The following SAMD14 variants were observed in gnomAD, a reference collection of about 807,000 sequenced individuals.
The protein encoded by SAMD14 is sterile alpha motif domain-containing protein 14.
SAMD14 carries 27 observed loss-of-function variants against 46.2 expected under a neutral mutation model. The ratio of observed to expected loss-of-function variants is 0.58; its 90% CI spans 0.43 to 0.81. The LOEUF is 0.81. Among genes scored for constraint, SAMD14 ranks in the 30% least tolerant of loss-of-function variants. The probability of loss-of-function intolerance (pLI) is 0.00; values close to 1 mark genes in which losing one functional copy is unlikely to be tolerated. For missense variants in SAMD14, 559 were observed against 582.2 expected, an observed-to-expected ratio of 0.96 and a Z score of 0.41; for synonymous variants, 241 against 254.3, an observed-to-expected ratio of 0.95 and a Z score of 0.50.
In SAMD14 at chr17:50,115,577, T is replaced by A; in HGVS notation, c.809A>T (p.Lys270Met). 1 of 1,540,890 alleles carries A rather than the reference T, an allele frequency of 6.5e-7. No homozygotes were observed. The highest frequency in any genetic ancestry group is 1.2e-5 in the South Asian group (1 of 80,314). ...SPKHEGFSPK[K>M]SASQESTLSD... ...GCATGGACTTACCTGGGAAGCTGACTTCTTAGGGCTGAAGCCCTCGTGTTT... is the reference window on the plus strand; with the variant it reads ...GCATGGACTTACCTGGGAAGCTGACATCTTAGGGCTGAAGCCCTCGTGTTT... The change falls in exon 7 of 10, where the codon AAG (lysine) becomes ATG (methionine). Residue 270 changes from lysine to methionine, a missense_variant. Physicochemically the swap from Lys to Met is moderately conservative, Grantham distance 95. Transcript: ENST00000330175. This position sits in a 1 kb window ranked among gnomAD's most constrained non-coding sequence, Gnocchi z 5.3.
chr17:50,113,958 G>A lies in SAMD14; in HGVS notation c.1064C>T (p.Pro355Leu), dbSNP rs149122016. Residue 355 changes from proline to leucine, a missense_variant, in exon 9 of 10, where the codon CCG becomes CTG. By Grantham distance (98) the Pro-to-Leu change is moderately conservative (BLOSUM62 -3). Transcript: ENST00000330175. The stretch of plus-strand genomic sequence containing the variant: ...GCTTCCGTCCAGCTGCAGCAGCTGC[G>A]GCCCGTCTACCTGCCGTGCAGCAAA... ...AEFAARQVDGPQLLQLDGSKL... is the reference protein window; with the variant it reads ...AEFAARQVDGLQLLQLDGSKL... The A allele has an allele frequency of 7.4e-6, 12 of 1,613,614 alleles. No individual in the cohort carries two copies. Among genetic ancestry groups the A allele is most frequent in the East Asian group, 6.7e-5 (3 of 44,900 alleles).
Position 50,115,738 on chromosome 17 carries a change from T to C in SAMD14, c.663-15A>G. 2 of 1,610,580 alleles carry C rather than the reference T, an allele frequency of 1.2e-6. No individual in the cohort carries two copies. Among genetic ancestry groups the C allele is most frequent in the Non-Finnish European group, 1.7e-6 (2 of 1,177,570 alleles). ...CCACTGACTCCCTGCAGAGAGAGTG[T>C]CCAGCATGGGTGTGGGTACAGAGGG... On this transcript the variant is annotated splice_polypyrimidine_tract_variant and intron_variant, in intron 6 of 9. Transcript: ENST00000330175. This position sits in a 1 kb window ranked among gnomAD's most constrained non-coding sequence, Gnocchi z 5.3.
At chr17:50,117,313 C>A in intron 4 of SAMD14, 94 bp downstream of exon 4, 2 of 1,192,032 alleles carry the variant, frequency 1.7e-6, no homozygotes, top group Non-Finnish European at 2.1e-6. Context: ...CCCTGCTCAG[C>A]TGCCCCTTCC....
chr17:50,112,781 G>T lies in SAMD14; in HGVS notation c.*112C>A. Reference sequence around the variant, plus strand: ...GAGAGAGCATGTCCCCCCTGAGAGCGTGGGACCAGGCTAGCCCAAGTGCAG... The same window carrying T: ...GAGAGAGCATGTCCCCCCTGAGAGCTTGGGACCAGGCTAGCCCAAGTGCAG... On this transcript the variant is annotated 3_prime_UTR_variant, in exon 10 of 10. Coordinates refer to ENST00000330175, the MANE Select transcript of SAMD14 (RefSeq NM_001257359.2). The T allele has an allele frequency of 1.6e-6, 2 of 1,272,586 alleles. No homozygotes were observed. Among genetic ancestry groups the T allele is most frequent in the Non-Finnish European group, 2.2e-6 (2 of 929,270 alleles). 78.8% of individuals were successfully genotyped at this position (1,272,586 alleles called of 1,614,324 possible). A position where few individuals can be genotyped will look rare whatever the true frequency, so the allele number is the denominator to read the frequency against.
intron 4 of SAMD14, among the ~76,000 whole-genome samples, chr17:50,116,927 C>T (rs141482507): frequency 6.6e-6 from 1 of 152,100 alleles, no homozygotes; most frequent in Non-Finnish European, 1.5e-5. Flanking sequence ...GTGATCATAG[C>T]TCACTGCAGC....
chr17:50,114,355 A>C (rs1911061960), intron 7 of SAMD14, 49 bp from the exon 8 acceptor site: 1 of 1,613,948 alleles, frequency 6.2e-7, no homozygotes. Flanking sequence ...CCCCCAACCC[A>C]CCATCCCTAT....
Position 50,111,993 on chromosome 17 carries a change from G to T in SAMD14, c.*900C>A, listed in dbSNP as rs1220160681. On this transcript the variant is annotated 3_prime_UTR_variant, in exon 10 of 10. Transcript: ENST00000330175. ...GCCTCTCTGCCTGGCTGGGGTGAGGGCTGACCAGGTCAGCAGCTCCTAGGC... is the reference window on the plus strand; with the variant it reads ...GCCTCTCTGCCTGGCTGGGGTGAGGTCTGACCAGGTCAGCAGCTCCTAGGC... 1 of 152,430 alleles carries T rather than the reference G, an allele frequency of 6.6e-6. No individual in the cohort carries two copies. Among genetic ancestry groups the T allele is most frequent in the Non-Finnish European group, 1.5e-5 (1 of 68,270 alleles). The allele number at this position is 152,430 out of a possible 1,614,324, so 9.4% of individuals were successfully genotyped here.
chr17:50,114,529 A>T, intron 7 of SAMD14: 1 of 1,270,734 alleles, frequency 7.9e-7, no homozygotes, highest in East Asian at 2.5e-5. Context: ...ATGGGGCTAG[A>T]ACCAAGCCAG....
At position 50,112,867 on chromosome 17, in the gene SAMD14, G is replaced by A. The variant is rs200576318; in HGVS notation, c.*26C>T. The A allele has an allele frequency of 1.6e-3, 2,506 of 1,587,696 alleles. 2 individuals carry two copies. The highest frequency in any genetic ancestry group is 2.4e-3 in the Middle Eastern group (12 of 5,062). On this transcript the variant is annotated 3_prime_UTR_variant, in exon 10 of 10. Transcript: ENST00000330175. The stretch of plus-strand genomic sequence containing the variant: ...CGCGGAGCCAGTGGCTGCCCCTGCC[G>A]GGTGCCAGCGCCTGTGCACCCTCCC...
chr17:50,112,779 G>A lies in SAMD14; in HGVS notation c.*114C>T. The stretch of plus-strand genomic sequence containing the variant: ...AAGAGAGAGCATGTCCCCCCTGAGA[G>A]CGTGGGACCAGGCTAGCCCAAGTGC... On this transcript the variant is annotated 3_prime_UTR_variant, in exon 10 of 10. Coordinates refer to ENST00000330175, the MANE Select transcript of SAMD14 (RefSeq NM_001257359.2). 8.1e-7 allele frequency: 1 copy of A among 1,234,884 alleles called. No homozygotes were observed. The highest frequency in any genetic ancestry group is 2.4e-5 in the East Asian group (1 of 41,894). The allele number at this position is 1,234,884 out of a possible 1,614,324, so 76.5% of individuals were successfully genotyped here.
At position 50,116,037 on chromosome 17, in the gene SAMD14, C is replaced by G. The variant is rs369388427; in HGVS notation, c.553G>C (p.Asp185His). 4.3e-6 allele frequency: 7 copies of G among 1,614,118 alleles called. No individual in the cohort carries two copies. Among genetic ancestry groups the G allele is most frequent in the Non-Finnish European group, 5.9e-6 (7 of 1,179,962 alleles). The part of the protein sequence containing the change: ...PEPASPTIGL[D>H]KKTRRKFLDL... ...AGGAACTTTCGGCGAGTCTTCTTAT[C>G]GAGGCCGATGGTGGGGCTGGCGGGC... Residue 185 changes from aspartate to histidine, a missense_variant, in exon 5 of 10, where the codon GAT becomes CAT. Physicochemically the swap from Asp to His is moderately conservative, Grantham distance 81 (BLOSUM62 -1). Coordinates refer to ENST00000330175, the MANE Select transcript of SAMD14 (RefSeq NM_001257359.2).
At chr17:50,127,928 T>C (rs1911852914) in intron 1 of SAMD14, among the ~76,000 whole-genome samples, 1 of 152,230 alleles carries the variant, frequency 6.6e-6, no homozygotes, top group South Asian at 2.1e-4. Context: ...TCGTAATTTC[T>C]AAATCCACCC....
At position 50,115,419 on chromosome 17, in the gene SAMD14, T is replaced by C. The variant is rs894416369; in HGVS notation, c.822+145A>G. ...TGAACGAATGAATTCAGAGAATGCA[T>C]GAAGTAACGGATCACTGCATGGCTC... On this transcript the variant is annotated intron_variant, in intron 7 of 9. Transcript: ENST00000330175. The surrounding 1 kb of genome is among the most constrained non-coding windows in gnomAD (Gnocchi z 5.3). The C allele has an allele frequency of 2.6e-6, 2 of 761,792 alleles. No individual in the cohort carries two copies. Among genetic ancestry groups the C allele is most frequent in the Non-Finnish European group, 4.0e-6 (2 of 496,518 alleles). The allele number at this position is 761,792 out of a possible 1,614,324, so 47.2% of individuals were successfully genotyped here.
rs532447778 is a variant in SAMD14, at chr17:50,111,793, G to C, written c.*1100C>G. The C allele has an allele frequency of 6.6e-6, 1 of 152,098 alleles. No individual in the cohort carries two copies. Among genetic ancestry groups the C allele is most frequent in the East Asian group, 1.9e-4 (1 of 5,136 alleles). The allele number at this position is 152,098 out of a possible 1,614,324, so 9.4% of individuals were successfully genotyped here. A position where few individuals can be genotyped will look rare whatever the true frequency, so the allele number is the denominator to read the frequency against. On this transcript the variant is annotated 3_prime_UTR_variant, in exon 10 of 10. Coordinates refer to ENST00000330175, the MANE Select transcript of SAMD14 (RefSeq NM_001257359.2). ...GACACATGCTGTCCCCAGGCTGCTG[G>C]TAAACTCCACCCCCATCCAGGGAGC...
At chr17:50,124,567 T>C (rs1911655918) in intron 2 of SAMD14, among the ~76,000 whole-genome samples, 3 of 152,154 alleles carry the variant, frequency 2.0e-5, no homozygotes, top group South Asian at 4.1e-4. Context: ...CTCTGTACCC[T>C]ACACTCCTGG....
Position 50,126,305 on chromosome 17 carries a change from AT to A in SAMD14, c.-12-1335del, listed in dbSNP as rs397856571. Among the ~76,000 whole-genome samples the A allele has an allele frequency of 5.5e-3, 767 of 139,484 alleles. 2 individuals carry two copies. Among genetic ancestry groups the A allele is most frequent in the African/African-American group, 0.011 (422 of 36,840 alleles). 91.5% of individuals were successfully genotyped at this position (139,484 alleles called of 152,430 possible). ...ACCTTTACTGTGGCCAGCCTTGGGA[AT>A]TTTTTTTTTTTTTTTTGAGACGGAG... On this transcript the variant is annotated intron_variant, in intron 1 of 9. Transcript: ENST00000330175.
intron 2 of SAMD14, 30 bp downstream of exon 2, chr17:50,124,887 T>C: frequency 6.2e-7 from 1 of 1,612,074 alleles, no homozygotes. Context: ...CTGTGTCTAT[T>C]GGCTAGAGAT....
At chr17:50,124,681 G>A (rs969136722) in intron 2 of SAMD14, among the ~76,000 whole-genome samples, 3 of 151,938 alleles carry the variant, frequency 2.0e-5, no homozygotes, top group African/African-American at 7.3e-5. Context: ...CTTAATAAAT[G>A]GAGACCCTTA....
At chr17:50,125,576 G>A (rs552278876) in intron 1 of SAMD14, among the ~76,000 whole-genome samples, 2 of 152,022 alleles carry the variant, frequency 1.3e-5, no homozygotes, top group South Asian at 2.1e-4. Flanking sequence ...CCACCCATCC[G>A]TCCATCCCAC....
Sources: allele counts gnomAD v4.1 joint callset (sites outside exome capture counted in the v4.1 genomes callset), GRCh38; gene constraint gnomAD v4.1.1; non-coding constraint Gnocchi (gnomAD v3.1); transcripts MANE v1.5; gene names NCBI Gene and HGNC (gene_info 2026-07-23, HGNC 2026-07-21).